AFF3: variants seen among roughly 807,000 people sequenced by gnomAD.
The protein encoded by AFF3 is AF4/FMR2 family member 3.
AFF3 carries 32 observed loss-of-function variants against 129.7 expected under a neutral mutation model. The ratio of observed to expected loss-of-function variants is 0.25; its 90% confidence interval spans 0.19 to 0.33. AFF3 has a LOEUF of 0.33. Ranked by LOEUF, AFF3 falls within the 10% of genes least tolerant of loss-of-function variation. AFF3 has a pLI of 1.00. For synonymous variants in AFF3, 644 were observed against 635.4 expected (o/e 1.01, Z -0.20); for missense variants, 1,373 against 1,592.0 (o/e 0.86, Z 2.34).
At chr2:99,651,173 CAAA>C (rs113457105) in intron 12 of AFF3, among the ~76,000 whole-genome samples, 48 of 121,976 alleles carry the variant, frequency 3.9e-4, no homozygotes, top group Admixed American at 1.3e-3. Context: ...AAGTCTGTCT[CAAA>C]AAAAAAAAAA....
chr2:99,576,590 C>T (rs1326910676), intron 18 of AFF3, among the ~76,000 whole-genome samples: 3 of 151,490 alleles, frequency 2.0e-5, no homozygotes, highest in Non-Finnish European at 2.9e-5. Context: ...TGTTTCTGAC[C>T]TAGCTTTCTG....
At chr2:99,751,901 G>T (rs1681690865) in intron 9 of AFF3, among the ~76,000 whole-genome samples, 1 of 152,076 alleles carries the variant, frequency 6.6e-6, no homozygotes, top group African/African-American at 2.4e-5. Flanking sequence ...AAAAATCCAG[G>T]ACATACAATT....
chr2:99,898,753 A>G (rs1694156954), intron 7 of AFF3, among the ~76,000 whole-genome samples: 1 of 152,096 alleles, frequency 6.6e-6, no homozygotes, highest in African/African-American at 2.4e-5. Flanking sequence ...CCACCAGACC[A>G]ATTTTTCAGT....
At chr2:99,930,626 T>C (rs1018215366) in intron 7 of AFF3, among the ~76,000 whole-genome samples, 1 of 152,178 alleles carries the variant, frequency 6.6e-6, no homozygotes, top group Non-Finnish European at 1.5e-5. Context: ...CAAACCAGGC[T>C]TCTGATCAAA....
intron 15 of AFF3, among the ~76,000 whole-genome samples, chr2:99,591,857 T>C (rs1485187532): frequency 6.6e-6 from 1 of 152,228 alleles, no homozygotes; most frequent in African/African-American, 2.4e-5. Flanking sequence ...TTAGGCTCTC[T>C]GAGCCTCTGT....
intron 7 of AFF3, among the ~76,000 whole-genome samples, chr2:99,922,913 C>T (rs776953266): frequency 5.9e-5 from 9 of 152,128 alleles, no homozygotes; most frequent in Non-Finnish European, 1.0e-4. Context: ...AGCTCTCAGC[C>T]AGGGAAGGCT....
intron 8 of AFF3, among the ~76,000 whole-genome samples, chr2:99,827,904 G>T (rs1688210621): frequency 1.3e-5 from 2 of 152,010 alleles, no homozygotes; most frequent in Admixed American, 1.3e-4. Context: ...TGGCCCAGGG[G>T]TGCTCATTGG....
At chr2:99,727,274 G>T in intron 10 of AFF3, 146 bp from the exon 11 acceptor site, 1 of 846,726 alleles carries the variant, frequency 1.2e-6, no homozygotes, top group East Asian at 2.9e-5. Context: ...TATTGTCTGA[G>T]AACCGGATTT....
chr2:100,128,355 C>T (rs1158580994), intron 2 of AFF3, among the ~76,000 whole-genome samples: 1 of 152,144 alleles, frequency 6.6e-6, no homozygotes, highest in Non-Finnish European at 1.5e-5. Flanking sequence ...AACAGAGGCT[C>T]CTTTAAAACA....
intron 7 of AFF3, among the ~76,000 whole-genome samples, chr2:99,946,669 A>G (rs958947791): frequency 1.3e-5 from 2 of 151,996 alleles, no homozygotes; most frequent in East Asian, 3.9e-4. Context: ...GGGTACCCTA[A>G]TTTGAAATCA....
intron 8 of AFF3, among the ~76,000 whole-genome samples, chr2:99,832,523 G>A (rs1688580663): frequency 6.6e-6 from 1 of 152,222 alleles, no homozygotes; most frequent in Non-Finnish European, 1.5e-5. Context: ...GCAGGCACCA[G>A]GGTGCCCTTA....
chr2:99,614,161 A>C (rs1321905112), intron 13 of AFF3, among the ~76,000 whole-genome samples: 1 of 152,198 alleles, frequency 6.6e-6, no homozygotes, highest in Non-Finnish European at 1.5e-5. Context: ...GGAAGGGATT[A>C]GGCCATAAAG....
Position 99,744,194 on chromosome 2 carries a change from A to G in AFF3, c.1003-54T>C, listed in dbSNP as rs1419735325. 2.0e-6 allele frequency: 3 copies of G among 1,515,778 alleles called. No homozygotes were observed. The African/African-American group carries it at 4.1e-5, about 21-fold the overall frequency. The allele number at this position is 1,515,778 out of a possible 1,614,324, so 93.9% of individuals were successfully genotyped here. On this transcript the variant is annotated intron_variant, in intron 9 of 24. Transcript: ENST00000672756. ...TTCTTATTTTGACTTTCAAAATCCA[A>G]GTTAAACATGAGATCATGTTTAAAA...
At chr2:99,763,991 T>C (rs550763115) in intron 8 of AFF3, among the ~76,000 whole-genome samples, 1 of 152,206 alleles carries the variant, frequency 6.6e-6, no homozygotes, top group Admixed American at 6.5e-5. Context: ...ATGAGGTTAA[T>C]CATCAAAGGA....
intron 4 of AFF3, among the ~76,000 whole-genome samples, chr2:100,049,081 G>A (rs1419919809): frequency 3.3e-5 from 5 of 152,146 alleles, no homozygotes; most frequent in African/African-American, 1.2e-4. Context: ...ATCATTCTGC[G>A]AAAGACTACG....
intron 13 of AFF3, among the ~76,000 whole-genome samples, chr2:99,648,532 G>A (rs1046422228): frequency 1.3e-5 from 2 of 152,110 alleles, no homozygotes; most frequent in African/African-American, 2.4e-5. Flanking sequence ...CTCAGGACAC[G>A]CAGGCTTGTG....
intron 7 of AFF3, among the ~76,000 whole-genome samples, chr2:99,838,575 T>A (rs943478965): frequency 6.6e-6 from 1 of 152,138 alleles, no homozygotes; most frequent in African/African-American, 2.4e-5. Flanking sequence ...CCCAGCAGCC[T>A]CCACTTCTTC....
At chr2:99,720,964 A>C (rs1323501308) in intron 11 of AFF3, among the ~76,000 whole-genome samples, 1 of 152,132 alleles carries the variant, frequency 6.6e-6, no homozygotes. Flanking sequence ...ATTTTGTTAT[A>C]TATTTTACAT....
intron 15 of AFF3, among the ~76,000 whole-genome samples, chr2:99,589,675 AG>A (rs543260813): frequency 8.0e-4 from 122 of 152,222 alleles, no homozygotes; most frequent in African/African-American, 2.8e-3. Flanking sequence ...CTGTGATTAT[AG>A]GAGTAAGCCA....
Sources: allele counts gnomAD v4.1 joint callset (sites outside exome capture counted in the v4.1 genomes callset), GRCh38; gene constraint gnomAD v4.1.1; transcripts MANE v1.5; gene names NCBI Gene and HGNC (gene_info 2026-07-23, HGNC 2026-07-21).